TENM2: variants seen among roughly 807,000 people sequenced by gnomAD.
TENM2 encodes teneurin-2.
A neutral mutation model predicts 245.2 loss-of-function variants in TENM2; 52 were observed. That is an observed-to-expected ratio of 0.21 (90% confidence interval 0.17 to 0.27). The LOEUF is 0.27. Among genes scored for constraint, TENM2 ranks in the 10% least tolerant of loss-of-function variants. The pLI is 1.00. For missense variants in TENM2, 3,046 were observed against 3,666.8 expected, an observed-to-expected ratio of 0.83 and a Z score of 4.37; for synonymous variants, 1,363 against 1,438.9, an observed-to-expected ratio of 0.95 and a Z score of 1.19.
At chr5:167,366,768 A>T (rs1760079342) in intron 1 of TENM2, among the ~76,000 whole-genome samples, 1 of 152,086 alleles carries the variant, frequency 6.6e-6, no homozygotes, top group African/African-American at 2.4e-5. Flanking sequence ...CAGCTAACTC[A>T]CTACTCTCTC....
At chr5:167,305,276 A>G (rs1027945097) in intron 1 of TENM2, among the ~76,000 whole-genome samples, 1 of 152,172 alleles carries the variant, frequency 6.6e-6, no homozygotes, top group Non-Finnish European at 1.5e-5. Flanking sequence ...ACACTGTGAG[A>G]GCTTTCTAGG....
intron 2 of TENM2, among the ~76,000 whole-genome samples, chr5:167,677,231 G>A (rs1756391912): frequency 6.6e-6 from 1 of 152,142 alleles, no homozygotes; most frequent in South Asian, 2.1e-4. Flanking sequence ...TATTCCTAAT[G>A]ATAAGCAAAA....
In TENM2 at chr5:168,234,998, T is replaced by C. The variant is rs78839419; in HGVS notation, c.5520+6868T>C. On this transcript the variant is annotated intron_variant, in intron 25 of 28. Coordinates refer to ENST00000518659, the Ensembl canonical transcript of TENM2. ...TGTTGGCATGTGTTACTTTTACTTA[T>C]GTGGCAAATCACAGTGACAGAGGAG... Among the ~76,000 whole-genome samples, 1,222 of 152,334 alleles carry C rather than the reference T, an allele frequency of 8.0e-3. 7 individuals carry two copies. The highest frequency in any genetic ancestry group is 0.013 in the Non-Finnish European group (915 of 68,030).
chr5:167,433,203 C>G (rs1764353752), intron 2 of TENM2, among the ~76,000 whole-genome samples: 1 of 151,706 alleles, frequency 6.6e-6, no homozygotes, highest in African/African-American at 2.4e-5. Context: ...TATACTTTGA[C>G]CTGAAAATGA....
At chr5:167,223,968 T>C in the TENM2 span, among the ~76,000 whole-genome samples, 13 of 152,222 alleles carry the variant, frequency 8.5e-5, no homozygotes, top group Admixed American at 2.0e-4. Context: ...GTCATATACC[T>C]GTTGGCCATT....
At chr5:167,366,819 G>A (rs1356509962) in intron 1 of TENM2, among the ~76,000 whole-genome samples, 1 of 152,064 alleles carries the variant, frequency 6.6e-6, no homozygotes. Context: ...GTTTATGGAG[G>A]AAGAGTCTCA....
At chr5:168,035,621 G>A (rs932003325) in intron 5 of TENM2, among the ~76,000 whole-genome samples, 1 of 151,968 alleles carries the variant, frequency 6.6e-6, no homozygotes, top group African/African-American at 2.4e-5. Flanking sequence ...CATTTCAGAA[G>A]AGACCCAACT....
chr5:167,789,104 C>G (rs1441205654), intron 2 of TENM2, among the ~76,000 whole-genome samples: 1 of 152,182 alleles, frequency 6.6e-6, no homozygotes, highest in Non-Finnish European at 1.5e-5. Context: ...GTACCTGGTT[C>G]ATAAATGTTT....
At chr5:167,332,172 G>A (rs950476974) in intron 1 of TENM2, among the ~76,000 whole-genome samples, 7 of 152,252 alleles carry the variant, frequency 4.6e-5, no homozygotes, top group South Asian at 2.1e-4. Flanking sequence ...AAATTTGGGC[G>A]TTACGATTCT....
chr5:167,850,347 A>T (rs938857099), intron 2 of TENM2, among the ~76,000 whole-genome samples: 1 of 152,112 alleles, frequency 6.6e-6, no homozygotes, highest in Non-Finnish European at 1.5e-5. Context: ...CCAGGTTGAG[A>T]GAGGAAGCTC....
intron 1 of TENM2, among the ~76,000 whole-genome samples, chr5:167,291,186 C>T (rs915110380): frequency 2.6e-5 from 4 of 152,088 alleles, no homozygotes; most frequent in African/African-American, 9.7e-5. Flanking sequence ...GTGGAAATTC[C>T]CCAGAGTTTC....
intron 2 of TENM2, among the ~76,000 whole-genome samples, chr5:167,577,634 T>G (rs1483681304): frequency 6.6e-6 from 1 of 152,184 alleles, no homozygotes. Flanking sequence ...TTCTTCTGTC[T>G]TTAAATAAGG....
intron 2 of TENM2, among the ~76,000 whole-genome samples, chr5:167,790,148 G>T (rs779602774): frequency 6.6e-6 from 1 of 151,824 alleles, no homozygotes; most frequent in Non-Finnish European, 1.5e-5. Context: ...GCCATGCCCC[G>T]GCTTTGATTC....
the TENM2 span, among the ~76,000 whole-genome samples, chr5:167,023,217 G>A: frequency 2.0e-5 from 3 of 152,172 alleles, no homozygotes; most frequent in African/African-American, 7.2e-5. Flanking sequence ...GCATTCCCTT[G>A]CAACTAAACT....
intron 1 of TENM2, among the ~76,000 whole-genome samples, chr5:167,304,564 A>G (rs190475584): frequency 2.0e-5 from 3 of 152,302 alleles, no homozygotes; most frequent in Admixed American, 6.5e-5. Context: ...TGAGTTACAG[A>G]CGTGATTTGG....
chr5:168,151,346 A>G (rs1388959055), intron 12 of TENM2, among the ~76,000 whole-genome samples: 4 of 152,162 alleles, frequency 2.6e-5, no homozygotes, highest in Admixed American at 2.6e-4. Context: ...TCCTATTTTA[A>G]ATAATAGCAT....
intron 2 of TENM2, among the ~76,000 whole-genome samples, chr5:167,665,772 TC>T (rs1755535568): frequency 6.6e-6 from 1 of 152,170 alleles, no homozygotes; most frequent in Non-Finnish European, 1.5e-5. Context: ...TGTTTATTTT[TC>T]CCCCTGGAAA....
At chr5:168,138,756 G>T (rs1020480168) in intron 12 of TENM2, among the ~76,000 whole-genome samples, 2 of 152,118 alleles carry the variant, frequency 1.3e-5, no homozygotes, top group Admixed American at 6.5e-5. Context: ...CATGTCTGGG[G>T]TCTACACCCC....
At position 167,535,356 on chromosome 5, in the gene TENM2, C is replaced by T. The variant is rs1162048050; in HGVS notation, c.502+159883C>T. Among the ~76,000 whole-genome samples the T allele has an allele frequency of 1.5e-4, 23 of 151,876 alleles. 1 individual carries two copies. Among genetic ancestry groups the T allele is most frequent in the Admixed American group, 1.5e-3 (23 of 15,240 alleles). On this transcript the variant is annotated intron_variant, in intron 2 of 28. Coordinates refer to ENST00000518659, the Ensembl canonical transcript of TENM2. ...ACAAGGAGAAGTCTAGCAGAGATGA[C>T]TGTGGTGATGCTGCTTACAGGAAAC...
Sources: gnomAD v4.1 joint callset for allele counts (sites outside exome capture counted in the v4.1 genomes callset) on GRCh38, gnomAD v4.1.1 for gene constraint, MANE v1.5 for transcripts, NCBI Gene and HGNC (gene_info 2026-07-23, HGNC 2026-07-21) for gene names.